COL28A1: variants seen among roughly 807,000 people sequenced by gnomAD.
COL28A1 encodes collagen alpha-1(XXVIII) chain.
Under a neutral mutation model 150.2 loss-of-function variants are expected in COL28A1, and 161 were observed. The ratio of observed to expected loss-of-function variants is 1.07; its 90% confidence interval spans 0.94 to 1.22. COL28A1 has a LOEUF of 1.22. COL28A1 is among the 50% of genes most tolerant of loss of function. The probability of loss-of-function intolerance (pLI) is 0.00; values close to 1 mark genes in which losing one functional copy is unlikely to be tolerated. For synonymous variants in COL28A1, 552 were observed against 469.7 expected (o/e 1.18, Z -2.26); for missense variants, 1,617 against 1,388.3 (o/e 1.16, Z -2.62).
chr7:7,498,906 A>ACACG (rs1386678290), intron 11 of COL28A1, among the ~76,000 whole-genome samples: 1 of 152,050 alleles, frequency 6.6e-6, no homozygotes, highest in East Asian at 1.9e-4. Context: ...ATCTACACAC[A>ACACG]CACGCACACA....
intron 28 of COL28A1, 83 bp from the exon 29 acceptor site, chr7:7,380,945 C>T (rs537818725): frequency 8.7e-7 from 1 of 1,152,620 alleles, no homozygotes; most frequent in South Asian, 1.3e-5. Flanking sequence ...TGGTTATCTG[C>T]AACTGGCATC....
chr7:7,517,067 A>C (rs1462328011), intron 7 of COL28A1, among the ~76,000 whole-genome samples: 2 of 152,222 alleles, frequency 1.3e-5, no homozygotes, highest in Non-Finnish European at 2.9e-5. Flanking sequence ...TATATGTAGA[A>C]TATACCTAAG....
the COL28A1 span, among the ~76,000 whole-genome samples, chr7:7,346,620 T>C: frequency 2.8e-4 from 43 of 152,182 alleles, 2 homozygotes; most frequent in African/African-American, 9.9e-4. Flanking sequence ...TAGTTGATGG[T>C]TCAGGAAATC....
In COL28A1 at chr7:7,499,905, C is replaced by T. The variant is rs147202222; in HGVS notation, c.1026+6109G>A. On this transcript the variant is annotated intron_variant, in intron 11 of 34. Transcript: ENST00000399429. ...TCTTCATTAGTGATTTCTATTCTAA[C>T]GAAAATACTGGCATAGAAAATGTAA... Among the ~76,000 whole-genome samples the T allele has an allele frequency of 4.1e-3, 618 of 152,168 alleles. 3 individuals are homozygous for T. Among genetic ancestry groups the T allele is most frequent in the Non-Finnish European group, 6.2e-3 (420 of 67,978 alleles).
chr7:7,386,484 G>A (rs1265372759), intron 27 of COL28A1, among the ~76,000 whole-genome samples: 1 of 152,192 alleles, frequency 6.6e-6, no homozygotes, highest in Non-Finnish European at 1.5e-5. Flanking sequence ...CGCCAATTCA[G>A]CATCTAAGGA....
intron 8 of COL28A1, 83 bp downstream of exon 8, chr7:7,515,731 C>A: frequency 2.6e-6 from 2 of 774,020 alleles, no homozygotes; most frequent in Non-Finnish European, 4.6e-6. Context: ...AAGAAAATAA[C>A]TTTTATTAAG....
At chr7:7,414,926 G>T (rs1783983787) in intron 27 of COL28A1, among the ~76,000 whole-genome samples, 1 of 152,158 alleles carries the variant, frequency 6.6e-6, no homozygotes, top group African/African-American at 2.4e-5. Flanking sequence ...TTATTTTATA[G>T]CCTGTAAATT....
intron 16 of COL28A1, among the ~76,000 whole-genome samples, chr7:7,454,215 A>T (rs1054300874): frequency 6.6e-6 from 1 of 152,212 alleles, no homozygotes; most frequent in African/African-American, 2.4e-5. Context: ...GATTGTAAAC[A>T]TGTTGCTGGA....
Position 7,393,357 on chromosome 7 carries a change from C to A in COL28A1, c.2137-11745G>T, listed in dbSNP as rs117852153. ...AGCTTCGTCCCAGACGGGTACCCAC[C>A]AGATGCCAGACAGAGCTCTCCTGTA... On this transcript the variant is annotated intron_variant, in intron 27 of 34. Coordinates refer to ENST00000399429, the MANE Select transcript of COL28A1 (RefSeq NM_001037763.3). 1.2e-3 allele frequency among the ~76,000 whole-genome samples: 186 copies of A among 152,304 alleles called. 3 individuals are homozygous for A. The East Asian group carries it at 0.033, about 27-fold the overall frequency.
intron 25 of COL28A1, among the ~76,000 whole-genome samples, chr7:7,421,318 T>C (rs1213965797): frequency 1.8e-4 from 27 of 152,222 alleles, no homozygotes; most frequent in Admixed American, 1.8e-3. Flanking sequence ...GGATTAACTA[T>C]AAATGGTCGT....
chr7:7,384,834 C>G (rs1243775924), intron 27 of COL28A1, among the ~76,000 whole-genome samples: 1 of 151,604 alleles, frequency 6.6e-6, no homozygotes, highest in African/African-American at 2.4e-5. Context: ...GATGAAAATT[C>G]AATCAAAAAA....
chr7:7,450,093 G>A (rs976245414), intron 18 of COL28A1, among the ~76,000 whole-genome samples: 1 of 152,068 alleles, frequency 6.6e-6, no homozygotes, highest in African/African-American at 2.4e-5. Flanking sequence ...AAATGGAGTA[G>A]AATACACAGC....
chr7:7,511,107 C>T lies in COL28A1; in HGVS notation c.911G>A (p.Gly304Glu), dbSNP rs1406600464. Residue 304 changes from glycine to glutamate, a missense_variant, in exon 9 of 35, where the codon GGG becomes GAG. By Grantham distance (98) the Gly-to-Glu change is moderately conservative. Transcript: ENST00000399429. ...GTTCCTTACCTTGTCACCTTTTATC[C>T]CTGGTTTACCACATTCCCCACGTTC... ...KGERGECGKPGIKGDKGSPGP... is the reference protein window; with the variant it reads ...KGERGECGKPEIKGDKGSPGP... 6.2e-7 allele frequency: 1 copy of T among 1,613,090 alleles called. No individual in the cohort carries two copies. Among genetic ancestry groups the T allele is most frequent in the Admixed American group, 1.7e-5 (1 of 59,982 alleles).
In COL28A1 at chr7:7,375,475, A is replaced by C; in HGVS notation, c.2345T>G (p.Ile782Ser). 6.4e-7 allele frequency: 1 copy of C among 1,568,116 alleles called. No homozygotes were observed. The highest frequency in any genetic ancestry group is 2.3e-5 in the East Asian group (1 of 44,176). ...GLTKEEIIKL[I>S]TEICGCGPKC... Reference sequence around the variant, plus strand: ...TCAAATCTTACCACATATTTCTGTAATAAGTTTGATAATTTCTTCTTTCTA... The same window carrying C: ...TCAAATCTTACCACATATTTCTGTACTAAGTTTGATAATTTCTTCTTTCTA... The change falls in exon 31 of 35, where the codon ATT becomes AGT. Residue 782 changes from isoleucine to serine, a missense_variant. By Grantham distance (142) the Ile-to-Ser change is moderately radical. Coordinates refer to ENST00000399429, the MANE Select transcript of COL28A1 (RefSeq NM_001037763.3).
intron 8 of COL28A1, among the ~76,000 whole-genome samples, chr7:7,514,400 T>A (rs1022469370): frequency 3.9e-5 from 6 of 152,192 alleles, no homozygotes; most frequent in African/African-American, 1.4e-4. Flanking sequence ...TTCCATCCAG[T>A]TGAAGAAACA....
intron 33 of COL28A1, among the ~76,000 whole-genome samples, chr7:7,367,941 A>G (rs999138339): frequency 4.6e-5 from 7 of 151,650 alleles, no homozygotes; most frequent in Non-Finnish European, 5.9e-5. Context: ...CTCACCTCCA[A>G]TCCTTTCAAT....
intron 17 of COL28A1, among the ~76,000 whole-genome samples, chr7:7,453,046 G>A (rs1228741551): frequency 2.0e-5 from 3 of 152,168 alleles, no homozygotes; most frequent in Admixed American, 2.0e-4. Flanking sequence ...TATTTGTTAG[G>A]TCATTTCTGA....
Position 7,490,583 on chromosome 7 carries a change from T to C in COL28A1, c.1090A>G (p.Ile364Val). 4 of 1,262,834 alleles carry C rather than the reference T, an allele frequency of 3.2e-6. No individual in the cohort carries two copies. The highest frequency in any genetic ancestry group is 4.7e-6 in the Non-Finnish European group (4 of 860,180). 78.2% of individuals were successfully genotyped at this position (1,262,834 alleles called of 1,614,324 possible). ...AAAAAGACAAGTATCTTTACCTTAA[T>C]ACCTTGCTGTCCAATTCCAGGAGCT... ...PGAPGIGQQG[I>V]KGERGQEGRP... is the part of the protein sequence containing the mutation. The change falls in exon 12 of 35, where the codon ATT becomes GTT. Residue 364 changes from isoleucine to valine, a missense_variant. Ile to Val is a conservative substitution (Grantham distance 29). Transcript: ENST00000399429.
chr7:7,524,634 C>T (rs1583569730), intron 3 of COL28A1, among the ~76,000 whole-genome samples: 2 of 152,116 alleles, frequency 1.3e-5, no homozygotes, highest in South Asian at 4.1e-4. Flanking sequence ...TGTATATTTT[C>T]AATTTTTTCC....
Sources: allele counts gnomAD v4.1 joint callset (sites outside exome capture counted in the v4.1 genomes callset), GRCh38; gene constraint gnomAD v4.1.1; transcripts MANE v1.5; gene names NCBI Gene and HGNC (gene_info 2026-07-23, HGNC 2026-07-21).